NBEA: variants seen among roughly 807,000 people sequenced by gnomAD.
The protein encoded by NBEA is lysosomal-trafficking regulator 2.
In NBEA, 44 loss-of-function variants were observed where a neutral mutation model predicts 343.4. The observed-to-expected ratio is 0.13, with a 90% CI of 0.10 to 0.16. The LOEUF (loss-of-function observed/expected upper bound fraction) is 0.16. Among genes scored for constraint, NBEA ranks in the 10% least tolerant of loss-of-function variants. The probability of loss-of-function intolerance (pLI) is 1.00; values close to 1 mark genes in which losing one functional copy is unlikely to be tolerated. For missense variants in NBEA, 2,555 were observed against 3,631.3 expected (o/e 0.70, Z 7.62); for synonymous variants, 1,175 against 1,238.7 (o/e 0.95, Z 1.08).
At chr13:35,649,157 C>G (rs549896210) in intron 51 of NBEA, among the ~76,000 whole-genome samples, 3 of 152,136 alleles carry the variant, frequency 2.0e-5, no homozygotes, top group African/African-American at 7.2e-5. Context: ...GGGAAGCGCT[C>G]GGCTGCTTTA....
At chr13:35,524,011 G>A (rs1180760152) in intron 41 of NBEA, among the ~76,000 whole-genome samples, 2 of 151,998 alleles carry the variant, frequency 1.3e-5, no homozygotes, top group African/African-American at 4.8e-5. Flanking sequence ...TCATGGTAAT[G>A]TTTTAAATAT....
intron 36 of NBEA, among the ~76,000 whole-genome samples, chr13:35,325,824 A>T (rs2038519295): frequency 6.6e-6 from 1 of 151,854 alleles, no homozygotes; most frequent in African/African-American, 2.4e-5. Flanking sequence ...TCTTTAGTTA[A>T]TTTTTATATA....
chr13:35,213,949 T>C (rs919141661), intron 33 of NBEA, among the ~76,000 whole-genome samples: 1 of 152,012 alleles, frequency 6.6e-6, no homozygotes, highest in Non-Finnish European at 1.5e-5. Flanking sequence ...TTTTTAACAT[T>C]GTGAATTAGA....
At chr13:35,276,201 G>A (rs2034574687) in intron 34 of NBEA, among the ~76,000 whole-genome samples, 1 of 152,054 alleles carries the variant, frequency 6.6e-6, no homozygotes, top group South Asian at 2.1e-4. Flanking sequence ...GGCCTGTGTT[G>A]TATATTCCAT....
At chr13:34,990,064 C>G (rs541582314) in intron 1 of NBEA, among the ~76,000 whole-genome samples, 1 of 151,078 alleles carries the variant, frequency 6.6e-6, no homozygotes, top group Non-Finnish European at 1.5e-5. Flanking sequence ...CATTTATGCT[C>G]CTTTAGCTTG....
chr13:35,648,728 G>A (rs1365563865), intron 51 of NBEA, among the ~76,000 whole-genome samples: 1 of 152,110 alleles, frequency 6.6e-6, no homozygotes, highest in Non-Finnish European at 1.5e-5. Context: ...GGTATTTGTA[G>A]TGTTTTGTAG....
At chr13:35,404,005 C>T (rs1279780490) in intron 38 of NBEA, among the ~76,000 whole-genome samples, 1 of 118,582 alleles carries the variant, frequency 8.4e-6, no homozygotes. Context: ...AAAAAATGCT[C>T]ATCATCACTG....
intron 17 of NBEA, among the ~76,000 whole-genome samples, chr13:35,135,775 A>C (rs1240380743): frequency 6.6e-6 from 1 of 151,146 alleles, no homozygotes; most frequent in Admixed American, 6.6e-5. Flanking sequence ...GTGTATATCT[A>C]TATATATATA....
chr13:35,234,475 T>C (rs1400920552), intron 34 of NBEA, among the ~76,000 whole-genome samples: 1 of 152,130 alleles, frequency 6.6e-6, no homozygotes, highest in Non-Finnish European at 1.5e-5. Context: ...CTCATGGAGT[T>C]TGCAGTCTAA....
chr13:35,562,946 A>T (rs1341244161), intron 44 of NBEA, among the ~76,000 whole-genome samples: 3 of 151,964 alleles, frequency 2.0e-5, no homozygotes, highest in African/African-American at 7.2e-5. Context: ...ATTAAATTGG[A>T]TGGTTTAATT....
intron 18 of NBEA, among the ~76,000 whole-genome samples, chr13:35,150,621 T>A (rs894440758): frequency 6.6e-6 from 1 of 152,196 alleles, no homozygotes; most frequent in Non-Finnish European, 1.5e-5. Flanking sequence ...ATTAGTTGTT[T>A]GATAATCCAG....
At chr13:35,354,906 G>A (rs9600580) in intron 38 of NBEA, among the ~76,000 whole-genome samples, 33,707 of 152,022 alleles carry the variant, frequency 0.22, 4,939 homozygotes, top group African/African-American at 0.42. Context: ...TTGATTAGCT[G>A]ATAGTCACCT....
intron 30 of NBEA, among the ~76,000 whole-genome samples, chr13:35,190,529 T>C (rs1156372222): frequency 1.3e-5 from 2 of 152,134 alleles, no homozygotes; most frequent in Admixed American, 6.6e-5. Context: ...TTTAAGACAA[T>C]GTCTGTGCAA....
chr13:35,318,216 G>A (rs577917885), intron 36 of NBEA, among the ~76,000 whole-genome samples: 30 of 152,014 alleles, frequency 2.0e-4, no homozygotes, highest in Admixed American at 1.1e-3. Context: ...TTGCCCATTC[G>A]GTATGATATT....
At chr13:35,463,605 G>C (rs984583988) in intron 40 of NBEA, among the ~76,000 whole-genome samples, 16 of 152,038 alleles carry the variant, frequency 1.1e-4, no homozygotes, top group African/African-American at 3.9e-4. Flanking sequence ...GGGTGACACA[G>C]TGAGACTCCG....
At chr13:34,997,327 C>T (rs914913953) in intron 1 of NBEA, among the ~76,000 whole-genome samples, 5 of 152,158 alleles carry the variant, frequency 3.3e-5, no homozygotes, top group African/African-American at 1.2e-4. Context: ...GCTGGGCTCT[C>T]CATGAGGGAA....
At chr13:35,637,367 G>A (rs1380728529) in intron 49 of NBEA, among the ~76,000 whole-genome samples, 8 of 152,142 alleles carry the variant, frequency 5.3e-5, no homozygotes, top group Admixed American at 2.6e-4. Flanking sequence ...TACCACTGGC[G>A]TAGCTGCTAG....
At chr13:35,304,694 G>C (rs2036779160) in intron 35 of NBEA, among the ~76,000 whole-genome samples, 1 of 152,046 alleles carries the variant, frequency 6.6e-6, no homozygotes, top group Admixed American at 6.6e-5. Context: ...AGTCTCTCCT[G>C]ATTCATCACA....
intron 36 of NBEA, among the ~76,000 whole-genome samples, chr13:35,344,900 C>T (rs2152859619): frequency 6.6e-6 from 1 of 152,130 alleles, no homozygotes; most frequent in Admixed American, 6.6e-5. Flanking sequence ...TCACTGAGGA[C>T]TGTGTAATCT....
Sources: gnomAD v4.1 joint callset for allele counts (sites outside exome capture counted in the v4.1 genomes callset) on GRCh38, gnomAD v4.1.1 for gene constraint, MANE v1.5 for transcripts, NCBI Gene and HGNC (gene_info 2026-07-23, HGNC 2026-07-21) for gene names.